HECW2: variants seen among roughly 807,000 people sequenced by gnomAD.
The protein encoded by HECW2 is HECT, C2 and WW domain containing E3 ubiquitin protein ligase 2, also known as E3 ubiquitin-protein ligase HECW2.
A neutral mutation model predicts 175.2 loss-of-function variants in HECW2; 61 were observed. The ratio of observed to expected loss-of-function variants is 0.35; its 90% CI spans 0.28 to 0.43. The LOEUF is 0.43. Among genes scored for constraint, HECW2 ranks in the 20% least tolerant of loss-of-function variants. HECW2 has a pLI of 1.00. For missense variants in HECW2, 1,524 were observed against 2,000.5 expected (o/e 0.76, Z 4.54); for synonymous variants, 671 against 731.0 (o/e 0.92, Z 1.32).
chr2:196,284,383 G>A (rs1690304318), intron 14 of HECW2, among the ~76,000 whole-genome samples: 5 of 152,186 alleles, frequency 3.3e-5, no homozygotes, highest in Non-Finnish European at 7.3e-5. Flanking sequence ...CATCTGCCAA[G>A]TACTTAGGGG....
chr2:196,440,287 T>C (rs1470505278), intron 1 of HECW2, among the ~76,000 whole-genome samples: 1 of 152,222 alleles, frequency 6.6e-6, no homozygotes, highest in Non-Finnish European at 1.5e-5. Flanking sequence ...CTCATTCAGA[T>C]GTTTTACTTT....
chr2:196,351,413 T>C (rs376040644), intron 2 of HECW2, among the ~76,000 whole-genome samples: 3 of 152,084 alleles, frequency 2.0e-5, no homozygotes, highest in Admixed American at 6.5e-5. Context: ...ATCAGACATA[T>C]CCAAACATAT....
At chr2:196,418,718 T>C (rs1695327447) in intron 2 of HECW2, among the ~76,000 whole-genome samples, 1 of 152,164 alleles carries the variant, frequency 6.6e-6, no homozygotes, top group African/African-American at 2.4e-5. Flanking sequence ...CATAAAATGC[T>C]TTCAATATTG....
chr2:196,367,901 A>G (rs1693791751), intron 2 of HECW2, among the ~76,000 whole-genome samples: 1 of 144,472 alleles, frequency 6.9e-6, no homozygotes, highest in African/African-American at 2.8e-5. Flanking sequence ...TGTATGGTAC[A>G]TAGATACATA....
At chr2:196,213,999 C>T (rs1397596402) in intron 28 of HECW2, among the ~76,000 whole-genome samples, 3 of 152,126 alleles carry the variant, frequency 2.0e-5, no homozygotes, top group Non-Finnish European at 4.4e-5. Flanking sequence ...GCCCTCTTTC[C>T]AATATGCAAA....
chr2:196,480,416 C>T (rs1686801072), intron 1 of HECW2, among the ~76,000 whole-genome samples: 2 of 152,192 alleles, frequency 1.3e-5, no homozygotes, highest in Admixed American at 1.3e-4. Context: ...CCCCAACTCT[C>T]AGTCCATTAA....
chr2:196,203,908 T>G (rs1686965323), intron 28 of HECW2, among the ~76,000 whole-genome samples: 1 of 152,174 alleles, frequency 6.6e-6, no homozygotes, highest in Admixed American at 6.5e-5. Flanking sequence ...CCATTCTACT[T>G]TGTGTCTCTA....
At chr2:196,465,467 A>G (rs1444608916) in intron 1 of HECW2, among the ~76,000 whole-genome samples, 2 of 152,138 alleles carry the variant, frequency 1.3e-5, no homozygotes, top group Non-Finnish European at 2.9e-5. Flanking sequence ...AGTAGGAATC[A>G]TGGATTTAAA....
intron 21 of HECW2, among the ~76,000 whole-genome samples, chr2:196,228,520 C>T (rs13422190): frequency 0.028 from 4,286 of 152,280 alleles, 166 homozygotes; most frequent in African/African-American, 0.095. Context: ...CATTCTAATA[C>T]ATACAATAGG....
chr2:196,232,196 A>G (rs1020916981), intron 21 of HECW2, among the ~76,000 whole-genome samples: 1 of 152,212 alleles, frequency 6.6e-6, no homozygotes, highest in Non-Finnish European at 1.5e-5. Flanking sequence ...GTTTTCTTAC[A>G]GACAACTGGT....
chr2:196,507,582 T>C (rs1197230250), intron 1 of HECW2, among the ~76,000 whole-genome samples: 9 of 152,188 alleles, frequency 5.9e-5, no homozygotes, highest in Non-Finnish European at 1.3e-4. Flanking sequence ...ATGTCAATAG[T>C]GATGAAGTTG....
intron 2 of HECW2, among the ~76,000 whole-genome samples, chr2:196,367,648 C>A (rs1693781947): frequency 1.3e-5 from 2 of 152,104 alleles, no homozygotes; most frequent in African/African-American, 4.8e-5. Flanking sequence ...ACCCACTACC[C>A]TTCCCAGCCT....
intron 1 of HECW2, 129 bp from the exon 2 acceptor site, chr2:196,433,587 T>A: frequency 1.5e-6 from 1 of 687,694 alleles, no homozygotes; most frequent in Non-Finnish European, 2.4e-6. Context: ...GTTGTCAAAA[T>A]AAAACCTATT....
intron 28 of HECW2, among the ~76,000 whole-genome samples, chr2:196,215,175 C>T (rs1166393707): frequency 6.6e-6 from 1 of 152,190 alleles, no homozygotes. Flanking sequence ...TATCTCCACT[C>T]AATCTCAAAC....
intron 1 of HECW2, among the ~76,000 whole-genome samples, chr2:196,532,135 C>T (rs4378823): frequency 0.14 from 20,905 of 152,166 alleles, 1,514 homozygotes; most frequent in Middle Eastern, 0.24. Context: ...TGGGTATATA[C>T]CCAAAGGATT....
At chr2:196,383,288 C>G (rs578227643) in intron 2 of HECW2, among the ~76,000 whole-genome samples, 1 of 152,140 alleles carries the variant, frequency 6.6e-6, no homozygotes, top group African/African-American at 2.4e-5. Context: ...TTTGAGGGGT[C>G]TGAGGCCAAT....
chr2:196,526,093 T>A lies in HECW2; in HGVS notation c.-36+67415A>T, dbSNP rs1269339883. On this transcript the variant is annotated intron_variant, in intron 1 of 28. Transcript: ENST00000644978. ...AGTGTTTTCCAACTTGGTTCCATTC[T>A]CCCCATCACTTTCAGGTACACCAAT... Among the ~76,000 whole-genome samples, 5 of 42,854 alleles carry A rather than the reference T, an allele frequency of 1.2e-4. No homozygotes were observed. In the East Asian group the frequency reaches 2.3e-3, roughly 20 times the overall value. 28.1% of individuals were successfully genotyped at this position (42,854 alleles called of 152,430 possible).
At chr2:196,274,250 C>T (rs1689854871) in intron 15 of HECW2, 127 bp from the exon 16 acceptor site, 1 of 653,272 alleles carries the variant, frequency 1.5e-6, no homozygotes, top group African/African-American at 1.8e-5. Context: ...AGAACAGATA[C>T]CAGCTGTGGG....
chr2:196,531,907 C>T (rs1688852462), intron 1 of HECW2, among the ~76,000 whole-genome samples: 1 of 152,196 alleles, frequency 6.6e-6, no homozygotes. Context: ...CTCATCATCA[C>T]TTTGACATAT....
Sources: gnomAD v4.1 joint callset for allele counts (sites outside exome capture counted in the v4.1 genomes callset) on GRCh38, gnomAD v4.1.1 for gene constraint, MANE v1.5 for transcripts, NCBI Gene and HGNC (gene_info 2026-07-23, HGNC 2026-07-21) for gene names.